Variants in ZNF385D observed in about 807,000 individuals in gnomAD.
The protein encoded by ZNF385D is zinc finger protein 385D, also known as zinc finger protein 659.
A neutral mutation model predicts 35.8 loss-of-function variants in ZNF385D; 15 were observed. The ratio of observed to expected loss-of-function variants is 0.42; its 90% CI spans 0.28 to 0.64. The LOEUF (loss-of-function observed/expected upper bound fraction) is 0.64. Among genes scored for constraint, ZNF385D ranks in the 30% least tolerant of loss-of-function variants. ZNF385D has a pLI of 0.23. For missense variants in ZNF385D, 474 were observed against 494.6 expected (o/e 0.96, Z 0.39); for synonymous variants, 212 against 186.8 (o/e 1.13, Z -1.10).
At chr3:21,486,570 C>A (rs1323659959) in intron 4 of ZNF385D, among the ~76,000 whole-genome samples, 5 of 152,124 alleles carry the variant, frequency 3.3e-5, no homozygotes, top group Non-Finnish European at 7.4e-5. Context: ...TTTGCAACAA[C>A]AAACATCTTG....
intron 3 of ZNF385D, among the ~76,000 whole-genome samples, chr3:22,096,352 AT>A (rs113151855): frequency 1.5e-5 from 2 of 133,858 alleles, no homozygotes; most frequent in South Asian, 2.2e-4. Context: ...ATAAATACAA[AT>A]TTTTTTAAAA....
intron 4 of ZNF385D, among the ~76,000 whole-genome samples, chr3:21,491,700 C>T (rs918496047): frequency 1.3e-5 from 2 of 152,082 alleles, no homozygotes; most frequent in African/African-American, 4.8e-5. Context: ...TTACATGTTG[C>T]CAATGGTTGC....
At chr3:21,992,864 T>C (rs140369507) in intron 3 of ZNF385D, among the ~76,000 whole-genome samples, 3 of 152,300 alleles carry the variant, frequency 2.0e-5, no homozygotes, top group Non-Finnish European at 2.9e-5. Context: ...TAAATCTTAG[T>C]ATGCATAGCT....
At chr3:21,686,713 G>A (rs2067116637) in intron 1 of ZNF385D, among the ~76,000 whole-genome samples, 1 of 152,264 alleles carries the variant, frequency 6.6e-6, no homozygotes, top group Non-Finnish European at 1.5e-5. Flanking sequence ...TGTGGCTAGT[G>A]GCTATTGTGT....
At chr3:21,934,029 C>T (rs978492984) in intron 3 of ZNF385D, among the ~76,000 whole-genome samples, 2 of 151,120 alleles carry the variant, frequency 1.3e-5, no homozygotes, top group East Asian at 3.9e-4. Context: ...CTAACTTTGG[C>T]TAAAAAAAAA....
intron 4 of ZNF385D, among the ~76,000 whole-genome samples, chr3:21,501,053 G>A (rs1283704019): frequency 3.9e-5 from 6 of 152,190 alleles, no homozygotes; most frequent in South Asian, 2.1e-4. Context: ...AGGGTGGGAG[G>A]GCCAGCTTTT....
chr3:21,716,197 T>C (rs905546693), intron 1 of ZNF385D, among the ~76,000 whole-genome samples: 1 of 152,054 alleles, frequency 6.6e-6, no homozygotes, highest in African/African-American at 2.4e-5. Context: ...TTGATAGCTT[T>C]GTAGCTAGTT....
intron 3 of ZNF385D, among the ~76,000 whole-genome samples, chr3:22,070,993 G>A (rs1700200110): frequency 6.6e-6 from 1 of 152,054 alleles, no homozygotes; most frequent in Admixed American, 6.6e-5. Flanking sequence ...TGCCAAAATT[G>A]AAAGATTTTT....
chr3:22,282,200 T>A (rs1322613573), intron 2 of ZNF385D, among the ~76,000 whole-genome samples: 6 of 152,096 alleles, frequency 3.9e-5, no homozygotes, highest in Admixed American at 6.6e-5. Flanking sequence ...AATCAGCTTT[T>A]TGTTTCATTT....
At chr3:21,601,025 C>G (rs577712453) in intron 2 of ZNF385D, among the ~76,000 whole-genome samples, 5 of 151,868 alleles carry the variant, frequency 3.3e-5, no homozygotes. Context: ...CTATGGAACA[C>G]TTACTATTTT....
intron 3 of ZNF385D, among the ~76,000 whole-genome samples, chr3:21,528,150 A>G (rs1708338140): frequency 6.6e-6 from 1 of 152,188 alleles, no homozygotes; most frequent in African/African-American, 2.4e-5. Context: ...TCTTAAATGC[A>G]GATATTCTTC....
At chr3:22,370,829 A>G (rs1325863818) in intron 2 of ZNF385D, among the ~76,000 whole-genome samples, 2 of 152,212 alleles carry the variant, frequency 1.3e-5, no homozygotes, top group Non-Finnish European at 2.9e-5. Flanking sequence ...AGGTGTTATT[A>G]TTATTAGGTA....
intron 3 of ZNF385D, among the ~76,000 whole-genome samples, chr3:21,832,560 C>T (rs1471894751): frequency 6.6e-6 from 1 of 152,158 alleles, no homozygotes; most frequent in Non-Finnish European, 1.5e-5. Context: ...ATCTCCCAAA[C>T]TTTAAGGTCA....
intron 2 of ZNF385D, among the ~76,000 whole-genome samples, chr3:21,663,285 C>A (rs944754139): frequency 1.3e-5 from 2 of 152,150 alleles, no homozygotes; most frequent in African/African-American, 4.8e-5. Flanking sequence ...AAATGATATT[C>A]ATTGTCAGTC....
At chr3:21,752,468 C>T (rs942613073), upstream of ZNF385D, among the ~76,000 whole-genome samples, 1 of 152,098 alleles carries the variant, frequency 6.6e-6, no homozygotes, top group Non-Finnish European at 1.5e-5. Context: ...TTCTATATCT[C>T]TTGGTGGATT....
At position 22,239,099 on chromosome 3, in the gene ZNF385D, T is replaced by C. The variant is rs11927828; in HGVS notation, c.107-70064A>G. Among the ~76,000 whole-genome samples, 764 of 151,082 alleles carry C rather than the reference T, an allele frequency of 5.1e-3. 49 individuals are homozygous for C. Among genetic ancestry groups the C allele is most frequent in the African/African-American group, 0.017 (715 of 40,880 alleles). On this transcript the variant is annotated intron_variant, in intron 2 of 5. Transcript: ENST00000494108. ...GAACTAGAATTCAATTCCAAAGCCT[T>C]AACTCACAAAAACCTAAGACAAAAA...
chr3:21,893,030 G>A (rs1294085982), intron 3 of ZNF385D, among the ~76,000 whole-genome samples: 4 of 152,124 alleles, frequency 2.6e-5, no homozygotes, highest in Admixed American at 2.6e-4. Flanking sequence ...GAAAAACATA[G>A]GAGAAGAGAA....
chr3:21,806,057 A>G (rs151104197), intron 3 of ZNF385D, among the ~76,000 whole-genome samples: 51 of 152,290 alleles, frequency 3.3e-4, no homozygotes, highest in African/African-American at 1.2e-3. Context: ...GCTCTGGGAA[A>G]TTCATATGCA....
chr3:22,075,569 A>T (rs1216927326), intron 3 of ZNF385D, among the ~76,000 whole-genome samples: 2 of 151,802 alleles, frequency 1.3e-5, no homozygotes, highest in African/African-American at 4.8e-5. Flanking sequence ...TTCCAGAATG[A>T]CCACTCTTTT....
Sources: allele counts gnomAD v4.1 joint callset (sites outside exome capture counted in the v4.1 genomes callset), GRCh38; gene constraint gnomAD v4.1.1; transcripts MANE v1.5; gene names NCBI Gene and HGNC (gene_info 2026-07-23, HGNC 2026-07-21).